EDA2R: variants seen among roughly 807,000 people sequenced by gnomAD.
EDA2R encodes the protein tumor necrosis factor receptor superfamily member 27.
EDA2R carries 26 observed loss-of-function variants against 20.1 expected under a neutral mutation model. The ratio of observed to expected loss-of-function variants is 1.30; its 90% CI spans 0.95 to 1.80. The LOEUF is 1.80. Among genes scored for constraint, EDA2R ranks in the 40% most tolerant of loss-of-function variants. EDA2R has a pLI of 0.00. For missense variants in EDA2R, 277 were observed against 228.7 expected, an observed-to-expected ratio of 1.21 and a Z score of -1.36; for synonymous variants, 114 against 88.7, an observed-to-expected ratio of 1.29 and a Z score of -1.60.
chrX:66,604,841 C>T (rs997929550), intron 3 of EDA2R, among the ~76,000 whole-genome samples: 3 of 112,081 alleles, frequency 2.7e-5, no homozygotes, highest in African/African-American at 9.7e-5. Context: ...GATGGAAAAG[C>T]GGTCAAGTAC....
rs1046850571 is a variant in EDA2R, at chrX:66,596,379, C to A, written c.*1725G>T. On this transcript the variant is annotated 3_prime_UTR_variant, in exon 7 of 7. Transcript: ENST00000374719. ...CCTTTACCCGAAATACTTTAAAATG[C>A]AAAGCCAATTGCCACCTCCAATTGC... The A allele has an allele frequency of 6.3e-5, 7 of 111,538 alleles. No homozygotes were observed. The highest frequency in any genetic ancestry group is 2.3e-4 in the African/African-American group (7 of 30,619). The allele number at this position is 111,538 out of a possible 1,213,427, so 9.2% of individuals were successfully genotyped here. A position where few individuals can be genotyped will look rare whatever the true frequency, so the allele number is the denominator to read the frequency against.
At chrX:66,600,960 C>T (rs1449771251) in intron 5 of EDA2R, among the ~76,000 whole-genome samples, 2 of 112,244 alleles carry the variant, frequency 1.8e-5, no homozygotes, top group Non-Finnish European at 3.8e-5. Context: ...AAGGGATGTG[C>T]TCTGTAGTTT....
intron 2 of EDA2R, among the ~76,000 whole-genome samples, chrX:66,611,529 T>C (rs936987650): frequency 9.0e-5 from 10 of 111,060 alleles, no homozygotes; most frequent in Non-Finnish European, 1.7e-4. Context: ...TTATTAAAAA[T>C]AAAATGACAG....
At position 66,629,662 on chromosome X, in the gene EDA2R, A is replaced by T. The variant is rs1366653412; in HGVS notation, c.-11+9333T>A. Among the ~76,000 whole-genome samples the T allele has an allele frequency of 1.4e-4, 16 of 111,745 alleles. No homozygotes were observed. In the Admixed American group the frequency reaches 1.5e-3, roughly 11 times the overall value. Reference sequence around the variant, plus strand: ...GACGCAAAAAACCTCTACAAGGAAAACTACACAACAGTGCTGAAAGAAATC... The same window carrying T: ...GACGCAAAAAACCTCTACAAGGAAATCTACACAACAGTGCTGAAAGAAATC... On this transcript the variant is annotated intron_variant, in intron 1 of 6. Coordinates refer to ENST00000374719, the MANE Select transcript of EDA2R (RefSeq NM_021783.5).
chrX:66,625,154 G>A (rs1932951454), intron 1 of EDA2R, among the ~76,000 whole-genome samples: 2 of 111,723 alleles, frequency 1.8e-5, no homozygotes. Flanking sequence ...TGAACCAGAA[G>A]AGAAGCATCC....
At chrX:66,616,156 A>C (rs1208595941) in intron 1 of EDA2R, 126 bp from the exon 2 acceptor site, 3 of 467,997 alleles carry the variant, frequency 6.4e-6, no homozygotes, top group Non-Finnish European at 7.6e-6. Flanking sequence ...GGGACGAGGA[A>C]GCCAACACAA....
chrX:66,611,010 GA>G (rs1467894605), intron 2 of EDA2R, among the ~76,000 whole-genome samples: 5 of 111,343 alleles, frequency 4.5e-5, no homozygotes, highest in Non-Finnish European at 1.9e-5. Context: ...TCGAGCATGG[GA>G]AATGTTCTTT....
chrX:66,599,460 C>T lies in EDA2R; in HGVS notation c.*10+14G>A, dbSNP rs1189023613. On this transcript the variant is annotated intron_variant, in intron 6 of 6. Coordinates refer to ENST00000374719, the MANE Select transcript of EDA2R (RefSeq NM_021783.5). ...GCTTTTTTTGTTTTTTTCTGATCCA[C>T]CTTTCCAGCTCACCTCATTAGAGTT... is the stretch of plus-strand genomic sequence containing the variant. 4.5e-6 allele frequency: 5 copies of T among 1,112,259 alleles called. No individual in the cohort carries two copies. In the African/African-American group the frequency reaches 5.6e-5, roughly 12 times the overall value. The allele number at this position is 1,112,259 out of a possible 1,213,427, so 91.7% of individuals were successfully genotyped here.
At chrX:66,608,460 T>C (rs1034780687) in intron 2 of EDA2R, among the ~76,000 whole-genome samples, 2 of 111,913 alleles carry the variant, frequency 1.8e-5, no homozygotes, top group Non-Finnish European at 3.8e-5. Context: ...TGAAATTACT[T>C]GTCAAGTAAA....
intron 1 of EDA2R, among the ~76,000 whole-genome samples, chrX:66,636,032 C>T (rs984413708): frequency 7.3e-5 from 8 of 110,071 alleles, no homozygotes; most frequent in African/African-American, 2.7e-4. Context: ...TCCCAAGTAG[C>T]GGGCACTACA....
rs1165984412 is a variant in EDA2R at position 66,596,993 on chromosome X, C to T, written c.*1111G>A. Reference sequence around the variant, plus strand: ...ATCAGTGTTTGTAGATGGATGAACCCAAAAGATGTAGTTAATAAAATTCTA... The same window carrying T: ...ATCAGTGTTTGTAGATGGATGAACCTAAAAGATGTAGTTAATAAAATTCTA... On this transcript the variant is annotated 3_prime_UTR_variant, in exon 7 of 7. Coordinates refer to ENST00000374719, the MANE Select transcript of EDA2R (RefSeq NM_021783.5). 1.8e-5 allele frequency: 2 copies of T among 112,626 alleles called. No homozygotes were observed. The highest frequency in any genetic ancestry group is 3.8e-5 in the Non-Finnish European group (2 of 53,324). 9.3% of individuals were successfully genotyped at this position (112,626 alleles called of 1,213,427 possible). A position where few individuals can be genotyped will look rare whatever the true frequency, so the allele number is the denominator to read the frequency against.
intron 6 of EDA2R, among the ~76,000 whole-genome samples, chrX:66,598,937 A>G (rs899745242): frequency 6.3e-5 from 7 of 111,463 alleles, no homozygotes; most frequent in African/African-American, 2.3e-4. Context: ...TAGCCCCCAA[A>G]CCTGGGTTCT....
chrX:66,601,688 T>A (rs1440317965), intron 5 of EDA2R, among the ~76,000 whole-genome samples: 1 of 111,141 alleles, frequency 9.0e-6, no homozygotes, highest in Non-Finnish European at 1.9e-5. Context: ...CCCTTATAAA[T>A]CAACTTCATT....
At chrX:66,617,247 G>A (rs972998581) in intron 1 of EDA2R, among the ~76,000 whole-genome samples, 8 of 111,877 alleles carry the variant, frequency 7.2e-5, no homozygotes, top group Non-Finnish European at 3.8e-5. Context: ...ATTCTAAATG[G>A]CATTCCATAA....
chrX:66,596,323 G>A lies in EDA2R; in HGVS notation c.*1781C>T, dbSNP rs1201867225. On this transcript the variant is annotated 3_prime_UTR_variant, in exon 7 of 7. Coordinates refer to ENST00000374719, the MANE Select transcript of EDA2R (RefSeq NM_021783.5). Reference sequence around the variant, plus strand: ...CTATGGTATTTGCCATGGCCAAACAGAAATTATAAAGACGAAAATCCTTCA... The same window carrying A: ...CTATGGTATTTGCCATGGCCAAACAAAAATTATAAAGACGAAAATCCTTCA... 1 of 110,675 alleles carries A rather than the reference G, an allele frequency of 9.0e-6. No homozygotes were observed. Among genetic ancestry groups the A allele is most frequent in the African/African-American group, 3.3e-5 (1 of 30,358 alleles). 9.1% of individuals were successfully genotyped at this position (110,675 alleles called of 1,213,427 possible).
At chrX:66,633,897 A>G (rs1416015470) in intron 1 of EDA2R, among the ~76,000 whole-genome samples, 1 of 111,493 alleles carries the variant, frequency 9.0e-6, no homozygotes, top group Non-Finnish European at 1.9e-5. Flanking sequence ...AAGTACTCCA[A>G]TTTCTGATTT....
intron 5 of EDA2R, among the ~76,000 whole-genome samples, chrX:66,601,001 T>C (rs189513050): frequency 8.9e-6 from 1 of 112,199 alleles, no homozygotes. Context: ...TCTTGCAACC[T>C]TACACTGGAT....
rs896255224 is a variant in EDA2R, at chrX:66,608,788, T to A, written c.88-3562A>T. Among the ~76,000 whole-genome samples the A allele has an allele frequency of 3.6e-5, 4 of 111,287 alleles. No individual in the cohort carries two copies. The East Asian group carries it at 8.5e-4, about 24-fold the overall frequency. On this transcript the variant is annotated intron_variant, in intron 2 of 6. Transcript: ENST00000374719. The stretch of plus-strand genomic sequence containing the variant: ...ATGAAAAAATATGATTCCACTTACA[T>A]GAAATATCTAGAATAGCAAAATTTG...
chrX:66,638,513 C>T (rs72627634), intron 1 of EDA2R, among the ~76,000 whole-genome samples: 1 of 110,575 alleles, frequency 9.0e-6, no homozygotes, highest in African/African-American at 3.3e-5. Flanking sequence ...CCAAGCTCGG[C>T]GGGTGAGGGG....
Sources: gnomAD v4.1 joint callset for allele counts (sites outside exome capture counted in the v4.1 genomes callset) on GRCh38, gnomAD v4.1.1 for gene constraint, MANE v1.5 for transcripts, NCBI Gene and HGNC (gene_info 2026-07-23, HGNC 2026-07-21) for gene names.